PCNX1: variants seen among roughly 807,000 people sequenced by gnomAD.
PCNX1 encodes pecanex 1.
Under a neutral mutation model 242.2 loss-of-function variants are expected in PCNX1, and 78 were observed. The observed-to-expected ratio is 0.32, with a 90% CI of 0.27 to 0.39. The LOEUF is 0.39. Ranked by LOEUF, PCNX1 falls within the 10% of genes least tolerant of loss-of-function variation. The probability of loss-of-function intolerance (pLI) is 1.00; values close to 1 mark genes in which losing one functional copy is unlikely to be tolerated. For missense variants in PCNX1, 2,581 were observed against 2,856.5 expected (o/e 0.90, Z 2.20); for synonymous variants, 1,024 against 1,032.9 (o/e 0.99, Z 0.17).
At chr14:70,936,277 T>G (rs2057000124) in intron 1 of PCNX1, among the ~76,000 whole-genome samples, 2 of 129,262 alleles carry the variant, frequency 1.5e-5, no homozygotes, top group South Asian at 3.0e-4. Flanking sequence ...CTATCGCTCC[T>G]CCCTCCCCCC....
intron 15 of PCNX1, among the ~76,000 whole-genome samples, chr14:71,027,653 T>C (rs1231403163): frequency 2.0e-5 from 3 of 151,978 alleles, no homozygotes; most frequent in Non-Finnish European, 4.4e-5. Context: ...TCCAAGCATA[T>C]GCATTGAAAT....
At chr14:70,995,320 AC>A (rs1165638116) in intron 7 of PCNX1, among the ~76,000 whole-genome samples, 2 of 152,242 alleles carry the variant, frequency 1.3e-5, no homozygotes, top group Non-Finnish European at 2.9e-5. Context: ...ATTTGAAAGA[AC>A]AATTCTAGAG....
chr14:71,087,910 C>T (rs772554692), intron 28 of PCNX1, among the ~76,000 whole-genome samples: 3 of 151,918 alleles, frequency 2.0e-5, no homozygotes, highest in Non-Finnish European at 2.9e-5. Context: ...AATAGGCTAA[C>T]TCACCTGCCA....
At chr14:71,027,936 T>C (rs552119644) in intron 15 of PCNX1, among the ~76,000 whole-genome samples, 12 of 152,058 alleles carry the variant, frequency 7.9e-5, no homozygotes, top group African/African-American at 2.9e-4. Context: ...GCTTTTGTCA[T>C]ACTATAATTT....
chr14:71,015,404 T>C (rs1217989639), intron 11 of PCNX1, among the ~76,000 whole-genome samples: 3 of 152,220 alleles, frequency 2.0e-5, no homozygotes, highest in African/African-American at 7.2e-5. Context: ...GTAAAATTTA[T>C]GATAATAGCA....
chr14:70,923,368 A>C (rs2056452451), intron 1 of PCNX1, among the ~76,000 whole-genome samples: 1 of 152,216 alleles, frequency 6.6e-6, no homozygotes, highest in South Asian at 2.1e-4. Flanking sequence ...TTGTAAGAAA[A>C]AAATTCATGT....
At position 71,036,081 on chromosome 14, in the gene PCNX1, C is replaced by G. The variant is rs1434702279; in HGVS notation, c.3791C>G (p.Ser1264Cys). The G allele has an allele frequency of 6.2e-7, 1 of 1,601,370 alleles. No individual in the cohort carries two copies. Among genetic ancestry groups the G allele is most frequent in the Non-Finnish European group, 8.6e-7 (1 of 1,168,888 alleles). ...LRNSVSERLQSDLVVCIVIGV... is the reference protein window; with the variant it reads ...LRNSVSERLQCDLVVCIVIGV... ...TCCCCACAGAGTGAGCGATTACAGT[C>G]TGACCTGGTAGTATGCATTGTAATT... The change falls in exon 19 of 36, where the codon TCT (serine) becomes TGT (cysteine). Residue 1264 changes from serine to cysteine, a missense_variant. Physicochemically the swap from Ser to Cys is moderately radical, Grantham distance 112. Transcript: ENST00000304743.
At chr14:71,036,814 T>G (rs184766856) in intron 19 of PCNX1, among the ~76,000 whole-genome samples, 7 of 152,314 alleles carry the variant, frequency 4.6e-5, no homozygotes, top group Non-Finnish European at 8.8e-5. Context: ...AAATACTTAT[T>G]TTCTGTGAAG....
intron 30 of PCNX1, among the ~76,000 whole-genome samples, chr14:71,098,553 T>TGTGTGAGA (rs60367565): frequency 1.2e-3 from 149 of 125,718 alleles, no homozygotes; most frequent in Non-Finnish European, 1.5e-3. Flanking sequence ...TGTGTGTGTG[T>TGTGTGAGA]GAGAGAGAGA....
chr14:70,947,954 G>A (rs2057525165), intron 2 of PCNX1, among the ~76,000 whole-genome samples: 1 of 152,154 alleles, frequency 6.6e-6, no homozygotes, highest in African/African-American at 2.4e-5. Flanking sequence ...TGTGGATAGG[G>A]GATGAAATAT....
chr14:70,948,338 TTC>T (rs2057543740), intron 2 of PCNX1, among the ~76,000 whole-genome samples: 1 of 152,068 alleles, frequency 6.6e-6, no homozygotes, highest in East Asian at 1.9e-4. Flanking sequence ...AGTTTTAAAT[TTC>T]TCTCTTTTGT....
chr14:70,948,522 C>A (rs1274822221), intron 2 of PCNX1, among the ~76,000 whole-genome samples: 1 of 151,682 alleles, frequency 6.6e-6, no homozygotes, highest in Non-Finnish European at 1.5e-5. Context: ...GCTTATAAAT[C>A]TCAGCATTTA....
At chr14:70,994,574 CTG>C (rs1233035891) in intron 7 of PCNX1, among the ~76,000 whole-genome samples, 3 of 151,246 alleles carry the variant, frequency 2.0e-5, no homozygotes, top group Admixed American at 6.6e-5. Flanking sequence ...GATAAAGTAA[CTG>C]AATAAGGCCA....
At chr14:71,086,630 C>G (rs374413437) in intron 28 of PCNX1, among the ~76,000 whole-genome samples, 1 of 152,180 alleles carries the variant, frequency 6.6e-6, no homozygotes, top group Admixed American at 6.5e-5. Flanking sequence ...GTATTCCATT[C>G]GGATGATTCT....
At chr14:70,927,872 GC>G (rs1394968245) in intron 1 of PCNX1, among the ~76,000 whole-genome samples, 1 of 152,112 alleles carries the variant, frequency 6.6e-6, no homozygotes. Context: ...ACAGGTGTGA[GC>G]CACTGCGCCA....
At chr14:71,010,355 C>T (rs548477995) in intron 9 of PCNX1, among the ~76,000 whole-genome samples, 7 of 152,110 alleles carry the variant, frequency 4.6e-5, no homozygotes, top group African/African-American at 1.7e-4. Flanking sequence ...TATTGGTTCT[C>T]TTTCTTTATG....
chr14:71,081,651 G>A (rs548110356), intron 28 of PCNX1, among the ~76,000 whole-genome samples: 10 of 152,222 alleles, frequency 6.6e-5, no homozygotes, highest in East Asian at 3.9e-4. Context: ...GTTTATTTGC[G>A]TAGAGGTGTT....
intron 2 of PCNX1, among the ~76,000 whole-genome samples, chr14:70,949,159 T>TGTACATATAC (rs2057627019): frequency 2.7e-5 from 4 of 148,400 alleles, no homozygotes; most frequent in African/African-American, 5.0e-5. Context: ...TGTGTATATA[T>TGTACATATAC]ACTTATAAAT....
At position 71,111,378 on chromosome 14, in the gene PCNX1, C is replaced by T. The variant is rs965290691; in HGVS notation, c.*1443C>T. 1 of 152,392 alleles carries T rather than the reference C, an allele frequency of 6.6e-6. No homozygotes were observed. The highest frequency in any genetic ancestry group is 6.6e-5 in the Admixed American group (1 of 15,260). 9.4% of individuals were successfully genotyped at this position (152,392 alleles called of 1,614,324 possible). On this transcript the variant is annotated 3_prime_UTR_variant, in exon 36 of 36. Coordinates refer to ENST00000304743, the MANE Select transcript of PCNX1 (RefSeq NM_014982.3). ...CATTTAGGAGCAGCCATCTTTCTAC[C>T]CCTTGTGAATAAATCATTGAAAGAA...
Sources: gnomAD v4.1 joint callset for allele counts (sites outside exome capture counted in the v4.1 genomes callset) on GRCh38, gnomAD v4.1.1 for gene constraint, MANE v1.5 for transcripts, NCBI Gene and HGNC (gene_info 2026-07-23, HGNC 2026-07-21) for gene names.